Variants in SRSF10 observed in about 807,000 individuals in gnomAD.
The protein encoded by SRSF10 is serine/arginine-rich splicing factor 10.
SRSF10 carries 9 observed loss-of-function variants against 32.6 expected under a neutral mutation model. The ratio of observed to expected loss-of-function variants is 0.28; its 90% CI spans 0.17 to 0.48. The LOEUF is 0.48. Among genes scored for constraint, SRSF10 ranks in the 20% least tolerant of loss-of-function variants. The probability of loss-of-function intolerance (pLI) is 0.99; values close to 1 mark genes in which losing one functional copy is unlikely to be tolerated. For missense variants in SRSF10, 201 were observed against 331.8 expected (o/e 0.61, Z 3.06); for synonymous variants, 105 against 112.4 (o/e 0.93, Z 0.42).
rs1467993727 is a variant in SRSF10 at position 23,968,652 on chromosome 1, G to A, written c.*2490C>T. Among the ~76,000 whole-genome samples, 3 of 152,120 alleles carry A rather than the reference G, an allele frequency of 2.0e-5. No individual in the cohort carries two copies. The highest frequency in any genetic ancestry group is 2.9e-5 in the Non-Finnish European group (2 of 67,988). On this transcript the variant is annotated 3_prime_UTR_variant, in exon 6 of 6. Transcript: ENST00000492112. ...ATACCTAACCTACTTCCCCAAAGAG[G>A]TTATCACTTAATATTAGTTGCTCAT...
At chr1:23,973,282 A>G (rs1641883101) in intron 3 of SRSF10, among the ~76,000 whole-genome samples, 1 of 152,188 alleles carries the variant, frequency 6.6e-6, no homozygotes, top group Non-Finnish European at 1.5e-5. Flanking sequence ...AACTGTTCTG[A>G]CACTGGGAAT....
chr1:23,971,575 A>G lies in SRSF10; in HGVS notation c.489T>C (p.Asp163=). Residue 163 remains aspartate (D), a splice_region_variant and synonymous_variant, in exon 5 of 6, where the codon GAT becomes GAC. Transcript: ENST00000492112. ...TTTTTCAAAGCAAAGTTATTTACCT[A>G]TCATTGTCGGAATGGCTTCTGCTAC... ...PRRSRSHSDN[D]RFKHRNRSFS... 2.5e-6 allele frequency: 4 copies of G among 1,610,318 alleles called. No homozygotes were observed. The highest frequency in any genetic ancestry group is 3.4e-6 in the Non-Finnish European group (4 of 1,179,588).
intron 2 of SRSF10, chr1:23,978,304 G>A (rs1178782392): frequency 2.0e-6 from 2 of 992,476 alleles, no homozygotes; most frequent in African/African-American, 3.5e-5. Flanking sequence ...AGCAAATTAG[G>A]GGACAATATT....
chr1:23,978,883 C>G, intron 1 of SRSF10, 66 bp from the exon 2 acceptor site: 1 of 1,382,034 alleles, frequency 7.2e-7, no homozygotes, highest in Non-Finnish European at 9.8e-7. Flanking sequence ...GGCAATATAT[C>G]TTTTTGATGA....
chr1:23,967,983 G>T lies in SRSF10; in HGVS notation c.*3159C>A, dbSNP rs1449603764. On this transcript the variant is annotated 3_prime_UTR_variant, in exon 6 of 6. Transcript: ENST00000492112. Reference sequence around the variant, plus strand: ...TTCAAAAAAAAAAAAAAAATGCAGAGAGATCTTAAGTAAAAGGAGAGGTGA... The same window carrying T: ...TTCAAAAAAAAAAAAAAAATGCAGATAGATCTTAAGTAAAAGGAGAGGTGA... 6.5e-7 allele frequency: 1 copy of T among 1,535,502 alleles called. No homozygotes were observed. Among genetic ancestry groups the T allele is most frequent in the Non-Finnish European group, 8.7e-7 (1 of 1,144,584 alleles).
Position 23,964,712 on chromosome 1 carries a change from G to C in SRSF10, c.*6430C>G, listed in dbSNP as rs1402805909. 2.0e-5 allele frequency: 3 copies of C among 151,930 alleles called. No individual in the cohort carries two copies. Among genetic ancestry groups the C allele is most frequent in the Non-Finnish European group, 4.4e-5 (3 of 67,882 alleles). 9.4% of individuals were successfully genotyped at this position (151,930 alleles called of 1,614,324 possible). A position where few individuals can be genotyped will look rare whatever the true frequency, so the allele number is the denominator to read the frequency against. ...GGCAATTTGTAAAGCAAGAGGGACA[G>C]AGTGCATCTCTAAAACCTCTTACAC... On this transcript the variant is annotated 3_prime_UTR_variant, in exon 6 of 6. Transcript: ENST00000492112.
intron 3 of SRSF10, 92 bp downstream of exon 3, chr1:23,974,882 G>T: frequency 6.5e-6 from 6 of 929,120 alleles, no homozygotes; most frequent in Non-Finnish European, 1.0e-5. Context: ...TTTGGGTTTT[G>T]AACAGAAACA....
intron 5 of SRSF10, 53 bp from the exon 6 acceptor site, chr1:23,971,492 A>C: frequency 6.3e-7 from 1 of 1,588,198 alleles, no homozygotes; most frequent in Non-Finnish European, 8.5e-7. Flanking sequence ...TTCTATATTA[A>C]TCAAATTTGT....
chr1:23,978,552 A>G (rs2148513081), intron 2 of SRSF10, 161 bp downstream of exon 2: 1 of 924,108 alleles, frequency 1.1e-6, no homozygotes, highest in East Asian at 2.9e-5. Flanking sequence ...ATTAACTTTA[A>G]TAACGAGAGC....
In SRSF10 at chr1:23,970,181, GGTGA is replaced by G; in HGVS notation, c.*957_*960del. The G allele has an allele frequency of 2.0e-6, 2 of 985,284 alleles. No individual in the cohort carries two copies. Among genetic ancestry groups the G allele is most frequent in the Non-Finnish European group, 2.4e-6 (2 of 829,912 alleles). The allele number at this position is 985,284 out of a possible 1,614,324, so 61.0% of individuals were successfully genotyped here. ...CATCAACGACCTGCTCAAATTTTAA[GGTGA>G]GTTTTTGTGTTTTCTATGTTCCAAA... On this transcript the variant is annotated 3_prime_UTR_variant, in exon 6 of 6. Coordinates refer to ENST00000492112, the MANE Select transcript of SRSF10 (RefSeq NM_054016.4).
intron 1 of SRSF10, 143 bp downstream of exon 1, chr1:23,980,048 G>C: frequency 3.5e-6 from 3 of 860,184 alleles, no homozygotes; most frequent in Non-Finnish European, 5.0e-6. Flanking sequence ...CCCGCTGCGC[G>C]GCCTAGTTCG....
chr1:23,977,927 T>C (rs1642192467), intron 2 of SRSF10: 1 of 985,232 alleles, frequency 1.0e-6, no homozygotes. Context: ...TATGACTCCT[T>C]TAATCTTGGC....
At position 23,968,143 on chromosome 1, in the gene SRSF10, G is replaced by T. The variant is rs1368592055; in HGVS notation, c.*2999C>A. Among the ~76,000 whole-genome samples, 1 of 152,086 alleles carries T rather than the reference G, an allele frequency of 6.6e-6. No homozygotes were observed. The highest frequency in any genetic ancestry group is 1.5e-5 in the Non-Finnish European group (1 of 67,980). On this transcript the variant is annotated 3_prime_UTR_variant, in exon 6 of 6. Coordinates refer to ENST00000492112, the MANE Select transcript of SRSF10 (RefSeq NM_054016.4). Reference sequence around the variant, plus strand: ...AAACTAACATAAAACACTACGTAAAGATCCTCATCAAGTATCAGTAGGATC... The same window carrying T: ...AAACTAACATAAAACACTACGTAAATATCCTCATCAAGTATCAGTAGGATC...
At chr1:23,974,600 A>G (rs4649144) in intron 3 of SRSF10, among the ~76,000 whole-genome samples, 150,758 of 152,344 alleles carry the variant, frequency 0.99, 74,611 homozygotes, top group East Asian at 1. Context: ...AGGCTGAGGC[A>G]GGTGGATCAC....
At chr1:23,974,001 T>C (rs1388371144) in intron 3 of SRSF10, among the ~76,000 whole-genome samples, 2 of 151,834 alleles carry the variant, frequency 1.3e-5, no homozygotes, top group Non-Finnish European at 2.9e-5. Flanking sequence ...TATTTTTTTT[T>C]TTTTTTTTGA....
rs1449370300 is a variant in SRSF10 at position 23,966,252 on chromosome 1, A to C, written c.*4890T>G. 1.3e-5 allele frequency: 2 copies of C among 151,920 alleles called. No homozygotes were observed. Among genetic ancestry groups the C allele is most frequent in the Non-Finnish European group, 2.9e-5 (2 of 67,840 alleles). 9.4% of individuals were successfully genotyped at this position (151,920 alleles called of 1,614,324 possible). A position where few individuals can be genotyped will look rare whatever the true frequency, so the allele number is the denominator to read the frequency against. On this transcript the variant is annotated 3_prime_UTR_variant, in exon 6 of 6. Transcript: ENST00000492112. ...ATACCTCCATTTCACACCTCCCTTG[A>C]AAATATACCTCTGCTATATTTTCAA...
Position 23,965,119 on chromosome 1 carries a change from G to A in SRSF10, c.*6023C>T, listed in dbSNP as rs946652283. 2.0e-5 allele frequency: 3 copies of A among 152,066 alleles called. No homozygotes were observed. The South Asian group carries it at 6.2e-4, about 32-fold the overall frequency. The allele number at this position is 152,066 out of a possible 1,614,324, so 9.4% of individuals were successfully genotyped here. ...TGTCTTGTAGATAGCAATAACCGAA[G>A]ACAAACAGGTTGCTCACTTCATCCT... On this transcript the variant is annotated 3_prime_UTR_variant, in exon 6 of 6. Transcript: ENST00000492112.
In SRSF10 at chr1:23,967,849, A is replaced by G; in HGVS notation, c.*3293T>C. The G allele has an allele frequency of 7.1e-6, 11 of 1,554,340 alleles. No individual in the cohort carries two copies. The highest frequency in any genetic ancestry group is 1.2e-5 in the South Asian group (1 of 85,282). ...CAAATTTTCAAGAGAATAATACAATAGTTCCCAGGTCTTTCCCCTGGGATG... is the reference window on the plus strand; with the variant it reads ...CAAATTTTCAAGAGAATAATACAATGGTTCCCAGGTCTTTCCCCTGGGATG... On this transcript the variant is annotated 3_prime_UTR_variant, in exon 6 of 6. Coordinates refer to ENST00000492112, the MANE Select transcript of SRSF10 (RefSeq NM_054016.4).
Position 23,975,052 on chromosome 1 carries a change from C to G in SRSF10, c.196G>C (p.Asp66His). 1 of 1,614,012 alleles carries G rather than the reference C, an allele frequency of 6.2e-7. No homozygotes were observed. The highest frequency in any genetic ancestry group is 1.3e-5 in the African/African-American group (1 of 75,046). Residue 66 changes from aspartate (D) to histidine (H), a missense_variant, in exon 3 of 6, where the codon GAC becomes CAC. Physicochemically the swap from Asp to His is moderately conservative, Grantham distance 81. Around this residue, in one of 3 missense-constraint regions of SRSF10, gnomAD observed 41 missense variants for 109.5 expected, o/e 0.37. Transcript: ENST00000492112. ...VQFEDVRDAE[D>H]ALHNLDRKWI... is the part of the protein sequence containing the mutation. ...TTTCTGTCCAAATTATGTAAAGCGT[C>G]TTCAGCATCACGAACATCCTCAAAT...
Sources: gnomAD v4.1 joint callset for allele counts (sites outside exome capture counted in the v4.1 genomes callset) on GRCh38, gnomAD v4.1.1 for gene constraint, gnomAD v4.1.1 regional missense constraint, MANE v1.5 for transcripts, NCBI Gene and HGNC (gene_info 2026-07-23, HGNC 2026-07-21) for gene names.